Variants in SUFU observed in about 807,000 individuals in gnomAD.
SUFU encodes SUFU negative regulator of hedgehog signaling, also known as suppressor of fused homolog.
A neutral mutation model predicts 58.9 loss-of-function variants in SUFU; 7 were observed. The observed-to-expected ratio is 0.12, with a 90% CI of 0.07 to 0.22. The LOEUF (loss-of-function observed/expected upper bound fraction) is 0.22. Among genes scored for constraint, SUFU ranks in the 10% least tolerant of loss-of-function variants. The pLI is 1.00. For missense variants in SUFU, 451 were observed against 641.3 expected, an observed-to-expected ratio of 0.70 and a Z score of 3.20; for synonymous variants, 232 against 254.8, an observed-to-expected ratio of 0.91 and a Z score of 0.85.
At chr10:102,565,271 GT>G (rs1334635071) in intron 3 of SUFU, among the ~76,000 whole-genome samples, 2 of 152,132 alleles carry the variant, frequency 1.3e-5, no homozygotes, top group African/African-American at 4.8e-5. Flanking sequence ...CTTAGAGAAT[GT>G]TTTCCACTTC....
At chr10:102,536,399 CTG>C (rs2062740841) in intron 2 of SUFU, among the ~76,000 whole-genome samples, 1 of 134,278 alleles carries the variant, frequency 7.4e-6, no homozygotes, top group Non-Finnish European at 1.5e-5. Flanking sequence ...GAACCTCACT[CTG>C]TTGCCAGGCT....
At position 102,619,172 on chromosome 10, in the gene SUFU, C is replaced by T. The variant is rs1485139061; in HGVS notation, c.1296+1744C>T. 3 of 1,609,556 alleles carry T rather than the reference C, an allele frequency of 1.9e-6. No individual in the cohort carries two copies. The African/African-American group carries it at 4.0e-5, about 21-fold the overall frequency. The stretch of plus-strand genomic sequence containing the variant: ...TTTTCAGCAGCTCAAGAACCTTGGC[C>T]CCCACAGGACTTCGCAGATGTCACA... On this transcript the variant is annotated intron_variant, in intron 10 of 11. Transcript: ENST00000369902. The surrounding 1 kb of genome is among the most constrained non-coding windows in gnomAD (Gnocchi z 4.2).
chr10:102,510,994 G>A (rs1282674497), intron 2 of SUFU, among the ~76,000 whole-genome samples: 2 of 151,682 alleles, frequency 1.3e-5, no homozygotes, highest in African/African-American at 2.4e-5. Context: ...GGTGGCACAT[G>A]CCTGTAATCC....
At chr10:102,511,789 C>T (rs909284238) in intron 2 of SUFU, among the ~76,000 whole-genome samples, 2 of 152,114 alleles carry the variant, frequency 1.3e-5, no homozygotes, top group Non-Finnish European at 2.9e-5. Context: ...TGGCTCACTG[C>T]AGCCTCAACC....
At chr10:102,515,063 A>C (rs1276460522) in intron 2 of SUFU, among the ~76,000 whole-genome samples, 1 of 151,982 alleles carries the variant, frequency 6.6e-6, no homozygotes, top group Non-Finnish European at 1.5e-5. Flanking sequence ...TGTCCAGTGG[A>C]GTTTGGAGCA....
rs561711642 is a variant in SUFU at position 102,525,912 on chromosome 10, T to C, written c.317+16609T>C. Among the ~76,000 whole-genome samples the C allele has an allele frequency of 1.3e-4, 20 of 152,352 alleles. No individual in the cohort carries two copies. The South Asian group carries it at 3.1e-3, about 24-fold the overall frequency. ...AAGGTTTCTGCTCTCATGAATCTTA[T>C]ATTCTTATTGGAGAAACATGAAAAA... On this transcript the variant is annotated intron_variant, in intron 2 of 11. Coordinates refer to ENST00000369902, the MANE Select transcript of SUFU (RefSeq NM_016169.4).
rs935553924 is a variant in SUFU, at chr10:102,629,646, T to C, written c.1366-420T>C. ...CCAGGGTTCTTCCTGCACTAGCCTCTGAAAGAGAGGCCATGGCAGTGACAG... is the reference window on the plus strand; with the variant it reads ...CCAGGGTTCTTCCTGCACTAGCCTCCGAAAGAGAGGCCATGGCAGTGACAG... On this transcript the variant is annotated intron_variant, in intron 11 of 11. Transcript: ENST00000369902. This position sits in a 1 kb window ranked among gnomAD's most constrained non-coding sequence, Gnocchi z 4.7. Among the ~76,000 whole-genome samples, 1 of 152,138 alleles carries C rather than the reference T, an allele frequency of 6.6e-6. No homozygotes were observed. Among genetic ancestry groups the C allele is most frequent in the Non-Finnish European group, 1.5e-5 (1 of 68,012 alleles).
At chr10:102,552,799 A>C (rs1024286133) in intron 3 of SUFU, among the ~76,000 whole-genome samples, 1 of 152,268 alleles carries the variant, frequency 6.6e-6, no homozygotes, top group South Asian at 2.1e-4. Flanking sequence ...TTGTCAAAAA[A>C]TAAAACATCT....
chr10:102,517,123 C>G (rs1166341954), intron 2 of SUFU, among the ~76,000 whole-genome samples: 1 of 121,880 alleles, frequency 8.2e-6, no homozygotes, highest in South Asian at 2.6e-4. Context: ...AACTCCATCT[C>G]AAAAAAAAAA....
intron 8 of SUFU, among the ~76,000 whole-genome samples, chr10:102,614,217 T>C (rs2063657633): frequency 6.6e-6 from 1 of 152,172 alleles, no homozygotes; most frequent in Non-Finnish European, 1.5e-5. Flanking sequence ...CAGAAGCTCC[T>C]GCTGATCACA....
At chr10:102,580,238 T>A (rs1436576537) in intron 3 of SUFU, among the ~76,000 whole-genome samples, 1 of 152,196 alleles carries the variant, frequency 6.6e-6, no homozygotes, top group Admixed American at 6.5e-5. Context: ...TTCTGTTGGT[T>A]TGTAACAAAT....
chr10:102,616,975 C>T (rs779509742), intron 9 of SUFU, among the ~76,000 whole-genome samples: 1 of 152,252 alleles, frequency 6.6e-6, no homozygotes, highest in Non-Finnish European at 1.5e-5. Flanking sequence ...TACCTTCCCT[C>T]TCTGCCCTCA....
intron 8 of SUFU, among the ~76,000 whole-genome samples, chr10:102,614,863 G>A (rs1205061652): frequency 1.7e-4 from 25 of 150,406 alleles, no homozygotes; most frequent in Non-Finnish European, 2.4e-4. Context: ...GTAATAGAAC[G>A]AGACACCATC....
chr10:102,506,401 CAG>C (rs1398393626), intron 1 of SUFU, among the ~76,000 whole-genome samples: 3 of 151,374 alleles, frequency 2.0e-5, no homozygotes, highest in South Asian at 2.1e-4. Context: ...TTTTTTGAGA[CAG>C]AGTTTTGCTC....
intron 10 of SUFU, among the ~76,000 whole-genome samples, chr10:102,623,522 CT>C (rs2063760202): frequency 6.6e-6 from 1 of 152,216 alleles, no homozygotes; most frequent in Non-Finnish European, 1.5e-5. Flanking sequence ...CTACCTTCAC[CT>C]CCCTCATCAG....
At position 102,631,300 on chromosome 10, in the gene SUFU, A is replaced by G. The variant is rs1190732664; in HGVS notation, c.*1145A>G. ...TCCTCCCTGTATCCATTCATGCCCT[A>G]TCTTTCATTCTCCACTCCTAATCCC... is the stretch of plus-strand genomic sequence containing the variant. On this transcript the variant is annotated 3_prime_UTR_variant, in exon 12 of 12. Transcript: ENST00000369902. 4 of 233,266 alleles carry G rather than the reference A, an allele frequency of 1.7e-5. No individual in the cohort carries two copies. Among genetic ancestry groups the G allele is most frequent in the Non-Finnish European group, 2.5e-5 (3 of 118,210 alleles). 14.4% of individuals were successfully genotyped at this position (233,266 alleles called of 1,614,324 possible). A position where few individuals can be genotyped will look rare whatever the true frequency, so the allele number is the denominator to read the frequency against.
intron 8 of SUFU, among the ~76,000 whole-genome samples, chr10:102,603,743 G>A (rs544330907): frequency 1.3e-5 from 2 of 152,186 alleles, no homozygotes; most frequent in South Asian, 2.1e-4. Flanking sequence ...CATATACATA[G>A]ATTTCTCTCT....
chr10:102,617,200 C>G lies in SUFU; in HGVS notation c.1158-90C>G. The G allele has an allele frequency of 6.3e-7, 1 of 1,577,592 alleles. No individual in the cohort carries two copies. The highest frequency in any genetic ancestry group is 8.7e-7 in the Non-Finnish European group (1 of 1,149,756). ...TGTTACCTGGCCCGCGGACCATAGT[C>G]CCCACTGTCCCAGAGCCTTGGCCAG... On this transcript the variant is annotated intron_variant, in intron 9 of 11. Coordinates refer to ENST00000369902, the MANE Select transcript of SUFU (RefSeq NM_016169.4). The surrounding 1 kb of genome is among the most constrained non-coding windows in gnomAD (Gnocchi z 4.4).
intron 3 of SUFU, among the ~76,000 whole-genome samples, chr10:102,590,394 T>C (rs2063386814): frequency 6.6e-6 from 1 of 151,996 alleles, no homozygotes; most frequent in Non-Finnish European, 1.5e-5. Context: ...CTTGAACTCC[T>C]GACCTCGTGA....
Sources: allele counts gnomAD v4.1 joint callset (sites outside exome capture counted in the v4.1 genomes callset), GRCh38; gene constraint gnomAD v4.1.1; non-coding constraint Gnocchi (gnomAD v3.1); transcripts MANE v1.5; gene names NCBI Gene and HGNC (gene_info 2026-07-23, HGNC 2026-07-21).